PARG: variants seen among roughly 807,000 people sequenced by gnomAD.
The protein encoded by PARG is mitochondrial poly(ADP-ribose) glycohydrolase.
A neutral mutation model predicts 113.0 loss-of-function variants in PARG; 35 were observed. The ratio of observed to expected loss-of-function variants is 0.31; its 90% CI spans 0.24 to 0.41. PARG has a LOEUF of 0.41. Among genes scored for constraint, PARG ranks in the 10% least tolerant of loss-of-function variants. PARG has a pLI of 1.00. For missense variants in PARG, 797 were observed against 1,169.4 expected (o/e 0.68, Z 4.64); for synonymous variants, 330 against 409.9 (o/e 0.81, Z 2.36).
At chr10:49,841,670 A>G (rs1845244375) in intron 15 of PARG, among the ~76,000 whole-genome samples, 1 of 152,226 alleles carries the variant, frequency 6.6e-6, no homozygotes, top group African/African-American at 2.4e-5. Flanking sequence ...ATGGTTTTAC[A>G]TTGATAATGT....
intron 16 of PARG, among the ~76,000 whole-genome samples, chr10:49,825,493 C>T (rs902299290): frequency 2.0e-5 from 3 of 152,140 alleles, no homozygotes; most frequent in Non-Finnish European, 4.4e-5. Context: ...GTTGTTGCCC[C>T]TATACAGACA....
chr10:49,937,022 G>A (rs1345918038), intron 1 of PARG, among the ~76,000 whole-genome samples: 24 of 152,128 alleles, frequency 1.6e-4, no homozygotes, highest in African/African-American at 5.3e-4. Context: ...TTACTTCCAC[G>A]ATTTTATTTA....
intron 7 of PARG, among the ~76,000 whole-genome samples, chr10:49,893,736 C>G (rs1323118974): frequency 4.6e-5 from 7 of 151,736 alleles, no homozygotes; most frequent in Non-Finnish European, 1.0e-4. Context: ...CTGTGTTGCC[C>G]AGGCTGGGGT....
intron 8 of PARG, among the ~76,000 whole-genome samples, chr10:49,884,310 T>A (rs1226359206): frequency 2.0e-5 from 3 of 152,372 alleles, no homozygotes; most frequent in Admixed American, 2.0e-4. Context: ...GGATTCTTTA[T>A]TTTTAAAAGT....
intron 15 of PARG, among the ~76,000 whole-genome samples, chr10:49,838,201 C>T (rs1331986452): frequency 4.0e-5 from 6 of 151,896 alleles, no homozygotes; most frequent in Non-Finnish European, 7.4e-5. Flanking sequence ...GAGGCCGAAG[C>T]GTGTGGATCA....
chr10:49,912,207 C>A (rs1361538573), intron 7 of PARG, among the ~76,000 whole-genome samples: 1 of 151,728 alleles, frequency 6.6e-6, no homozygotes, highest in Non-Finnish European at 1.5e-5. Flanking sequence ...GGCTGAGGCA[C>A]AAGAATTGCT....
chr10:49,824,513 A>C (rs1433019032), intron 16 of PARG, among the ~76,000 whole-genome samples: 1 of 152,194 alleles, frequency 6.6e-6, no homozygotes, highest in Non-Finnish European at 1.5e-5. Flanking sequence ...TTTTGGCATC[A>C]ATGTTAAGCT....
intron 7 of PARG, among the ~76,000 whole-genome samples, chr10:49,907,401 T>C (rs1359998403): frequency 6.6e-6 from 1 of 152,208 alleles, no homozygotes; most frequent in African/African-American, 2.4e-5. Context: ...GACCATTGGC[T>C]TAGTCTTTGG....
chr10:49,846,883 T>C (rs1554833424), intron 13 of PARG, among the ~76,000 whole-genome samples: 1 of 151,878 alleles, frequency 6.6e-6, no homozygotes. Flanking sequence ...ATATACAAGA[T>C]GAGCCTACAA....
At chr10:49,909,291 G>C (rs1412026305) in intron 7 of PARG, among the ~76,000 whole-genome samples, 1 of 151,302 alleles carries the variant, frequency 6.6e-6, no homozygotes, top group Admixed American at 6.6e-5. Context: ...TATAATAAAG[G>C]CATAAATCAA....
At chr10:49,934,945 A>G (rs1326594930) in intron 2 of PARG, 131 bp downstream of exon 2, 109 of 621,990 alleles carry the variant, frequency 1.8e-4, no homozygotes, top group Non-Finnish European at 2.9e-4. Context: ...AAAATTACTT[A>G]TAAGTTGATT....
In PARG at chr10:49,818,659, C is replaced by G. The variant is rs8474; in HGVS notation, c.*681G>C. 64,653 of 151,996 alleles carry G rather than the reference C, an allele frequency of 0.43. 16,518 individuals carry two copies. The highest frequency in any genetic ancestry group is 0.6 in the East Asian group (3,093 of 5,168). 9.4% of individuals were successfully genotyped at this position (151,996 alleles called of 1,614,324 possible). On this transcript the variant is annotated 3_prime_UTR_variant, in exon 18 of 18. Coordinates refer to ENST00000616448, the MANE Select transcript of PARG (RefSeq NM_003631.5). ...TATTCCACATTTCCTTTCATCTCAG[C>G]CAGTCTCCAAAACTGGTATAAAAAA...
At chr10:49,888,890 A>T (rs1847627394) in intron 7 of PARG, among the ~76,000 whole-genome samples, 1 of 151,918 alleles carries the variant, frequency 6.6e-6, no homozygotes, top group South Asian at 2.1e-4. Flanking sequence ...TTGTTTTTTC[A>T]TCTATTTTCT....
At chr10:49,929,297 C>T (rs1205973730) in intron 4 of PARG, among the ~76,000 whole-genome samples, 1 of 151,096 alleles carries the variant, frequency 6.6e-6, no homozygotes, top group Non-Finnish European at 1.5e-5. Context: ...GTAATCCAGA[C>T]TAAGAACCTT....
At chr10:49,867,406 G>GT (rs1554837154) in intron 10 of PARG, 3 of 149,150 alleles carry the variant, frequency 2.0e-5, no homozygotes, top group South Asian at 4.3e-4. Flanking sequence ...TGTCCTGAGT[G>GT]TTTTTTCCTT....
At chr10:49,896,451 A>C (rs1564639924) in intron 7 of PARG, among the ~76,000 whole-genome samples, 1 of 152,164 alleles carries the variant, frequency 6.6e-6, no homozygotes, top group East Asian at 1.9e-4. Context: ...CACCCAGCTA[A>C]TTTTTGTAAT....
chr10:49,837,379 C>G (rs797030887), intron 15 of PARG, among the ~76,000 whole-genome samples: 24 of 142,712 alleles, frequency 1.7e-4, no homozygotes, highest in African/African-American at 6.0e-4. Flanking sequence ...TTCCTCCTTT[C>G]TCTCTGGCAT....
At chr10:49,896,146 T>C (rs1259229291) in intron 7 of PARG, among the ~76,000 whole-genome samples, 1 of 152,214 alleles carries the variant, frequency 6.6e-6, no homozygotes, top group African/African-American at 2.4e-5. Flanking sequence ...ATGAAGAGCA[T>C]GGGTGTTCTT....
At chr10:49,934,893 C>T (rs1254750745) in intron 2 of PARG, among the ~76,000 whole-genome samples, 183 bp downstream of exon 2, 11 of 151,114 alleles carry the variant, frequency 7.3e-5, no homozygotes, top group Non-Finnish European at 1.6e-4. Flanking sequence ...ATCTTGGTAT[C>T]TCAAGTATAC....
Sources: gnomAD v4.1 joint callset for allele counts (sites outside exome capture counted in the v4.1 genomes callset) on GRCh38, gnomAD v4.1.1 for gene constraint, MANE v1.5 for transcripts, NCBI Gene and HGNC (gene_info 2026-07-23, HGNC 2026-07-21) for gene names.